Variants in SLC25A13 observed in about 807,000 individuals in gnomAD.
The protein encoded by SLC25A13 is solute carrier family 25 member 13, also known as electrogenic aspartate/glutamate antiporter SLC25A13, mitochondrial.
Under a neutral mutation model 85.5 loss-of-function variants are expected in SLC25A13, and 70 were observed. That is an observed-to-expected ratio of 0.82 (90% CI 0.68 to 1.00). The LOEUF (loss-of-function observed/expected upper bound fraction) is 1.00, where lower values mean the gene tolerates loss of function less well. Among genes scored for constraint, SLC25A13 ranks in the 50% least tolerant of loss-of-function variants. SLC25A13 has a pLI of 0.00. For synonymous variants in SLC25A13, 259 were observed against 288.7 expected (o/e 0.90, Z 1.04); for missense variants, 765 against 819.8 (o/e 0.93, Z 0.82).
At chr7:96,220,849 C>T (rs1002962284) in intron 4 of SLC25A13, among the ~76,000 whole-genome samples, 1 of 152,104 alleles carries the variant, frequency 6.6e-6, no homozygotes, top group Admixed American at 6.5e-5. Flanking sequence ...AGTCCAGTCT[C>T]TCCACTCCCT....
intron 15 of SLC25A13, among the ~76,000 whole-genome samples, chr7:96,127,076 C>A (rs1412074605): frequency 1.3e-5 from 2 of 152,154 alleles, no homozygotes; most frequent in African/African-American, 4.8e-5. Flanking sequence ...CTAATTAATT[C>A]AAAGGTGAGA....
At chr7:96,315,391 C>A (rs1280029287) in intron 1 of SLC25A13, among the ~76,000 whole-genome samples, 1 of 152,172 alleles carries the variant, frequency 6.6e-6, no homozygotes, top group Admixed American at 6.6e-5. Flanking sequence ...TGGAGGGAGA[C>A]CCAGGCATCA....
Position 96,239,038 on chromosome 7 carries a change from TATATA to T in SLC25A13, c.213-4126_213-4122del, listed in dbSNP as rs1170903385. On this transcript the variant is annotated intron_variant, in intron 3 of 17. Coordinates refer to ENST00000265631, the MANE Select transcript of SLC25A13 (RefSeq NM_014251.3). The stretch of plus-strand genomic sequence containing the variant: ...ATATTATATATATGACTATATATTT[TATATA>T]TATATATATATATATATATATATAT... 3.9e-3 allele frequency among the ~76,000 whole-genome samples: 11 copies of T among 2,814 alleles called. No individual in the cohort carries two copies. The East Asian group carries it at 0.14, about 37-fold the overall frequency. 1.8% of individuals were successfully genotyped at this position (2,814 alleles called of 152,430 possible). A position where few individuals can be genotyped will look rare whatever the true frequency, so the allele number is the denominator to read the frequency against.
intron 15 of SLC25A13, among the ~76,000 whole-genome samples, chr7:96,127,991 C>T (rs889838957): frequency 6.6e-6 from 1 of 152,182 alleles, no homozygotes; most frequent in Non-Finnish European, 1.5e-5. Flanking sequence ...TTTGTGCTTG[C>T]TCACTGCCCT....
At chr7:96,168,505 A>G (rs1793865956) in intron 13 of SLC25A13, among the ~76,000 whole-genome samples, 2 of 152,164 alleles carry the variant, frequency 1.3e-5, no homozygotes, top group African/African-American at 2.4e-5. Flanking sequence ...GCGGCCGCAT[A>G]TGCAAAAACA....
At chr7:96,251,712 T>C (rs901951312) in intron 3 of SLC25A13, among the ~76,000 whole-genome samples, 9 of 152,242 alleles carry the variant, frequency 5.9e-5, no homozygotes, top group African/African-American at 2.2e-4. Context: ...CTATTTTCTT[T>C]TCTATTTTTT....
chr7:96,215,386 C>T (rs115953302), intron 4 of SLC25A13, among the ~76,000 whole-genome samples: 5,018 of 152,170 alleles, frequency 0.033, 206 homozygotes, highest in African/African-American at 0.096. Flanking sequence ...TGATCCACCA[C>T]GCCTGGCACG....
chr7:96,232,850 C>A (rs1796603887), intron 4 of SLC25A13, among the ~76,000 whole-genome samples: 1 of 152,142 alleles, frequency 6.6e-6, no homozygotes, highest in Non-Finnish European at 1.5e-5. Flanking sequence ...ATGACTTGTC[C>A]TTCAGCTAGT....
intron 13 of SLC25A13, among the ~76,000 whole-genome samples, chr7:96,168,839 C>A (rs1280277690): frequency 6.6e-6 from 1 of 152,122 alleles, no homozygotes; most frequent in Non-Finnish European, 1.5e-5. Flanking sequence ...TATGGATATA[C>A]CTACTCAAAA....
chr7:96,193,154 G>A lies in SLC25A13; in HGVS notation c.498C>T (p.Ala166=). ...LEIQLEHAKQ[A]FVQRDNARTG... ...TCCTAGCATTGTCCCGTTGCACAAAGGCTTGCTTTGCGTGCTCCAGTTGTA... is the reference window on the plus strand; with the variant it reads ...TCCTAGCATTGTCCCGTTGCACAAAAGCTTGCTTTGCGTGCTCCAGTTGTA... Residue 166 remains alanine (A), a synonymous_variant, in exon 6 of 18, where the codon GCC becomes GCT. Transcript: ENST00000265631. The A allele has an allele frequency of 6.2e-7, 1 of 1,613,996 alleles. No homozygotes were observed. Among genetic ancestry groups the A allele is most frequent in the Non-Finnish European group, 8.5e-7 (1 of 1,179,968 alleles).
At chr7:96,154,294 C>CTTTT (rs1161443008) in intron 13 of SLC25A13, among the ~76,000 whole-genome samples, 2 of 125,514 alleles carry the variant, frequency 1.6e-5, no homozygotes, top group African/African-American at 2.9e-5. Context: ...CACTGAGTGT[C>CTTTT]TTTTTTTTTT....
At chr7:96,257,201 AT>A (rs1274821661) in intron 3 of SLC25A13, among the ~76,000 whole-genome samples, 3 of 152,212 alleles carry the variant, frequency 2.0e-5, no homozygotes, top group Admixed American at 2.0e-4. Context: ...AAGACAAGAA[AT>A]AACTAAGATC....
chr7:96,164,762 T>A (rs1478511951), intron 13 of SLC25A13, among the ~76,000 whole-genome samples: 1 of 113,426 alleles, frequency 8.8e-6, no homozygotes, highest in African/African-American at 3.2e-5. Flanking sequence ...AGCAGCAGCA[T>A]CCCTGTTGGC....
intron 4 of SLC25A13, among the ~76,000 whole-genome samples, chr7:96,209,638 A>T (rs2116720766): frequency 6.6e-6 from 1 of 152,296 alleles, no homozygotes. Flanking sequence ...TTGTTCAAAT[A>T]ATCCCATTTA....
intron 5 of SLC25A13, among the ~76,000 whole-genome samples, chr7:96,196,202 T>C (rs1795055278): frequency 6.6e-6 from 1 of 152,180 alleles, no homozygotes; most frequent in Admixed American, 6.5e-5. Flanking sequence ...CACCCTGTAG[T>C]GAAAAATGAC....
At chr7:96,308,836 G>T (rs147213370) in intron 1 of SLC25A13, among the ~76,000 whole-genome samples, 1 of 152,126 alleles carries the variant, frequency 6.6e-6, no homozygotes, top group African/African-American at 2.4e-5. Flanking sequence ...ATTTACAAGC[G>T]CTCTTAGAAC....
At chr7:96,275,320 A>G (rs1407833102) in intron 3 of SLC25A13, among the ~76,000 whole-genome samples, 10 of 152,252 alleles carry the variant, frequency 6.6e-5, no homozygotes, top group Non-Finnish European at 1.5e-4. Flanking sequence ...TGTGGAAGTC[A>G]GTGTGGCAAT....
intron 9 of SLC25A13, among the ~76,000 whole-genome samples, chr7:96,188,493 G>A (rs546228957): frequency 1.1e-4 from 16 of 152,280 alleles, no homozygotes; most frequent in East Asian, 3.9e-4. Flanking sequence ...CAGAAACTGC[G>A]AAGTCTCACA....
rs1053826590 is a variant in SLC25A13, at chr7:96,213,674, G to A, written c.329-4697C>T. On this transcript the variant is annotated intron_variant, in intron 4 of 17. Transcript: ENST00000265631. ...GTTCAGAATAACTCGTAACTCAGTCGTGGAAGACTTTCAGGTAAGAACCAC... is the reference window on the plus strand; with the variant it reads ...GTTCAGAATAACTCGTAACTCAGTCATGGAAGACTTTCAGGTAAGAACCAC... Among the ~76,000 whole-genome samples, 10 of 152,160 alleles carry A rather than the reference G, an allele frequency of 6.6e-5. No individual in the cohort carries two copies. The South Asian group carries it at 1.2e-3, about 19-fold the overall frequency.
Sources: gnomAD v4.1 joint callset for allele counts (sites outside exome capture counted in the v4.1 genomes callset) on GRCh38, gnomAD v4.1.1 for gene constraint, MANE v1.5 for transcripts, NCBI Gene and HGNC (gene_info 2026-07-23, HGNC 2026-07-21) for gene names.